ZEB1: variants seen among roughly 807,000 people sequenced by gnomAD.
The protein encoded by ZEB1 is zinc finger E-box binding homeobox 1.
In ZEB1, 21 loss-of-function variants were observed where a neutral mutation model predicts 84.9. That is an observed-to-expected ratio of 0.25 (90% CI 0.18 to 0.36). ZEB1 has a LOEUF of 0.36. Among genes scored for constraint, ZEB1 ranks in the 10% least tolerant of loss-of-function variants. The probability of loss-of-function intolerance (pLI) is 1.00; values close to 1 mark genes in which losing one functional copy is unlikely to be tolerated. For missense variants in ZEB1, 1,104 were observed against 1,330.2 expected (o/e 0.83, Z 2.65); for synonymous variants, 420 against 471.1 (o/e 0.89, Z 1.41).
intron 1 of ZEB1, among the ~76,000 whole-genome samples, chr10:31,363,985 T>A (rs1464536862): frequency 6.6e-6 from 1 of 152,188 alleles, no homozygotes; most frequent in Non-Finnish European, 1.5e-5. Context: ...ACGAGCAGGT[T>A]GCCGATGGCA....
At chr10:31,334,672 C>A (rs2133366573) in intron 1 of ZEB1, among the ~76,000 whole-genome samples, 1 of 151,908 alleles carries the variant, frequency 6.6e-6, no homozygotes, top group South Asian at 2.1e-4. Context: ...ATTAGCAAAC[C>A]ACTGGCAAGA....
intron 1 of ZEB1, among the ~76,000 whole-genome samples, chr10:31,451,124 G>T (rs140921024): frequency 1.1e-4 from 16 of 152,206 alleles, no homozygotes; most frequent in African/African-American, 3.9e-4. Flanking sequence ...TGATGTGTCT[G>T]TCTATGTCTC....
intron 1 of ZEB1, among the ~76,000 whole-genome samples, chr10:31,355,764 G>T (rs2042015369): frequency 6.6e-6 from 1 of 152,130 alleles, no homozygotes; most frequent in Non-Finnish European, 1.5e-5. Flanking sequence ...TGAAAAGAAG[G>T]ATAAGTAAAT....
chr10:31,461,380 A>G, intron 2 of ZEB1, 143 bp downstream of exon 2: 1 of 825,312 alleles, frequency 1.2e-6, no homozygotes, highest in South Asian at 1.7e-5. Context: ...CCTACTTACT[A>G]AAAAGTGGAT....
intron 2 of ZEB1, among the ~76,000 whole-genome samples, chr10:31,479,686 A>G (rs2064781581): frequency 6.6e-6 from 1 of 151,964 alleles, no homozygotes; most frequent in African/African-American, 2.4e-5. Flanking sequence ...ATTGGGAAAT[A>G]TAATATGCTA....
At chr10:31,455,534 A>G (rs1454444805) in intron 1 of ZEB1, among the ~76,000 whole-genome samples, 1 of 152,230 alleles carries the variant, frequency 6.6e-6, no homozygotes, top group East Asian at 1.9e-4. Context: ...GCTAATATCC[A>G]GAATCTACAA....
chr10:31,446,289 T>C (rs2059760840), intron 1 of ZEB1, among the ~76,000 whole-genome samples: 1 of 152,224 alleles, frequency 6.6e-6, no homozygotes, highest in Non-Finnish European at 1.5e-5. Context: ...TTATTGCGTC[T>C]ATTTGATTCT....
chr10:31,483,671 A>T (rs759905408), intron 2 of ZEB1, among the ~76,000 whole-genome samples: 3 of 151,996 alleles, frequency 2.0e-5, no homozygotes, highest in Non-Finnish European at 4.4e-5. Flanking sequence ...CAGCAAAAAG[A>T]AAAAAATATT....
rs761300546 is a variant in ZEB1, at chr10:31,520,905, G to A, written c.1573G>A (p.Gly525Arg). ...VKSEKDKSFE[G>R]GVNDSTCLLC... ...GTCTGAGAAGGACAAAAGCTTTGAA[G>A]GGGGGGTGAATGATAGCACTTGTCT... Residue 525 changes from glycine to arginine, a missense_variant, in exon 7 of 9, where the codon GGG (glycine) becomes AGG (arginine). By Grantham distance (125) the Gly-to-Arg change is moderately radical (BLOSUM62 -2). Transcript: ENST00000424869. This position sits in a 1 kb window ranked among gnomAD's most constrained non-coding sequence, Gnocchi z 5.1. The A allele has an allele frequency of 1.2e-6, 2 of 1,614,052 alleles. No individual in the cohort carries two copies. Among genetic ancestry groups the A allele is most frequent in the South Asian group, 2.2e-5 (2 of 91,072 alleles).
intron 3 of ZEB1, among the ~76,000 whole-genome samples, chr10:31,499,283 G>C (rs1432368856): frequency 6.6e-6 from 1 of 151,978 alleles, no homozygotes; most frequent in Non-Finnish European, 1.5e-5. Flanking sequence ...CAGTCACTTT[G>C]TTTAATGTAT....
intron 6 of ZEB1, among the ~76,000 whole-genome samples, chr10:31,517,259 G>A (rs773559371): frequency 1.3e-5 from 2 of 151,732 alleles, no homozygotes; most frequent in Non-Finnish European, 2.9e-5. Context: ...CTAAATACTG[G>A]TACCCAAAAA....
chr10:31,391,333 C>T (rs1590751830), intron 1 of ZEB1, among the ~76,000 whole-genome samples: 1 of 151,556 alleles, frequency 6.6e-6, no homozygotes, highest in East Asian at 1.9e-4. Flanking sequence ...TATTGCCCCT[C>T]CCCCAAAACA....
In ZEB1 at chr10:31,424,098, G is replaced by A. The variant is rs1156394356; in HGVS notation, c.59-36939G>A. Among the ~76,000 whole-genome samples, 4 of 151,688 alleles carry A rather than the reference G, an allele frequency of 2.6e-5. 1 individual carries two copies. The highest frequency in any genetic ancestry group is 2.0e-4 in the Admixed American group (3 of 15,226). ...TACTCAATTTTAATTTAATTGTTTT[G>A]GAAAATGTTCTTCCATTTCATTACA... On this transcript the variant is annotated intron_variant, in intron 1 of 8. Transcript: ENST00000424869.
upstream of ZEB1, chr10:31,318,420 C>T (rs1182275120): frequency 6.6e-6 from 1 of 152,324 alleles, no homozygotes; most frequent in Non-Finnish European, 1.5e-5. Flanking sequence ...ATTACTCATT[C>T]CGCTCTACTA....
chr10:31,476,396 G>C (rs1445286127), intron 2 of ZEB1, among the ~76,000 whole-genome samples: 1 of 151,898 alleles, frequency 6.6e-6, no homozygotes, highest in Non-Finnish European at 1.5e-5. Flanking sequence ...ACAACTTCCT[G>C]AGATTGAATC....
At chr10:31,354,942 A>G (rs2041882824) in intron 1 of ZEB1, among the ~76,000 whole-genome samples, 1 of 152,202 alleles carries the variant, frequency 6.6e-6, no homozygotes, top group South Asian at 2.1e-4. Flanking sequence ...GTAAATTCTT[A>G]GTCATGTCTA....
rs534249420 is a variant in ZEB1 at position 31,449,076 on chromosome 10, G to A, written c.59-11961G>A. On this transcript the variant is annotated intron_variant, in intron 1 of 8. Transcript: ENST00000424869. The stretch of plus-strand genomic sequence containing the variant: ...TAGCAACCAGCGAGACTCCGTGGGC[G>A]TAGGACCCTCTGAGCCAGGTGTGGG... 7.2e-5 allele frequency among the ~76,000 whole-genome samples: 11 copies of A among 152,368 alleles called. No individual in the cohort carries two copies. The South Asian group carries it at 1.0e-3, about 14-fold the overall frequency.
At chr10:31,397,348 A>C (rs989633354) in intron 1 of ZEB1, among the ~76,000 whole-genome samples, 26 of 151,952 alleles carry the variant, frequency 1.7e-4, no homozygotes, top group Admixed American at 1.2e-3. Flanking sequence ...CCTGAAAAGT[A>C]TATCAGTTGG....
chr10:31,521,666 A>G lies in ZEB1; in HGVS notation c.2334A>G (p.Pro778=). 1 of 1,614,144 alleles carries G rather than the reference A, an allele frequency of 6.2e-7. No individual in the cohort carries two copies. Among genetic ancestry groups the G allele is most frequent in the Non-Finnish European group, 8.5e-7 (1 of 1,180,008 alleles). ...PLNLSCAKKE[P]QKDSCVTDSE... is the part of the protein sequence containing the mutation. The stretch of plus-strand genomic sequence containing the variant: ...ACTTGTCTTGCGCAAAAAAGGAGCC[A>G]CAAAAGGACAGTTGTGTTACAGACT... The change falls in exon 7 of 9, where the codon CCA becomes CCG. Residue 778 remains proline (P), a synonymous_variant. Transcript: ENST00000424869.
Sources: gnomAD v4.1 joint callset for allele counts (sites outside exome capture counted in the v4.1 genomes callset) on GRCh38, gnomAD v4.1.1 for gene constraint, Gnocchi (gnomAD v3.1) non-coding constraint, MANE v1.5 for transcripts, NCBI Gene and HGNC (gene_info 2026-07-23, HGNC 2026-07-21) for gene names.